CCSER2: variants seen among roughly 807,000 people sequenced by gnomAD.
CCSER2 encodes the protein coiled-coil serine rich protein 2, also known as serine-rich coiled-coil domain-containing protein 2.
CCSER2 carries 46 observed loss-of-function variants against 92.3 expected under a neutral mutation model. The ratio of observed to expected loss-of-function variants is 0.50; its 90% CI spans 0.39 to 0.64. The LOEUF (loss-of-function observed/expected upper bound fraction) is 0.64. Among genes scored for constraint, CCSER2 ranks in the 30% least tolerant of loss-of-function variants. The probability of loss-of-function intolerance (pLI) is 0.00; values close to 1 mark genes in which losing one functional copy is unlikely to be tolerated. For missense variants in CCSER2, 1,244 were observed against 1,238.9 expected (o/e 1.00, Z -0.06); for synonymous variants, 433 against 431.4 (o/e 1.00, Z -0.04).
At position 84,332,436 on chromosome 10, in the gene CCSER2, A is replaced by ATTTT. The variant is rs1187303667; in HGVS notation, c.-40+3646_-40+3649dup. Among the ~76,000 whole-genome samples the ATTTT allele has an allele frequency of 5.4e-3, 298 of 55,170 alleles. 10 individuals carry two copies. The highest frequency in any genetic ancestry group is 0.027 in the Admixed American group (74 of 2,782). 36.2% of individuals were successfully genotyped at this position (55,170 alleles called of 152,430 possible). A position where few individuals can be genotyped will look rare whatever the true frequency, so the allele number is the denominator to read the frequency against. Reference sequence around the variant, plus strand: ...TTTATATATATATATATATATATATATTTTTTTTTTTTTTTTTTTTTGAGA... The same window carrying ATTTT: ...TTTATATATATATATATATATATATATTTTTTTTTTTTTTTTTTTTTTTTTGAGA... On this transcript the variant is annotated intron_variant, in intron 1 of 9. Transcript: ENST00000372088.
intron 6 of CCSER2, among the ~76,000 whole-genome samples, chr10:84,458,783 AATC>A (rs1207523949): frequency 2.0e-5 from 3 of 152,150 alleles, no homozygotes; most frequent in Admixed American, 2.0e-4. Flanking sequence ...ATGTGAAAGA[AATC>A]AACCTATATA....
chr10:84,365,227 A>G (rs774870970), intron 1 of CCSER2, among the ~76,000 whole-genome samples: 5 of 152,208 alleles, frequency 3.3e-5, no homozygotes, highest in Non-Finnish European at 5.9e-5. Context: ...TCATTAGATG[A>G]TGTAGGCAAC....
intron 1 of CCSER2, among the ~76,000 whole-genome samples, chr10:84,338,292 A>T (rs745867409): frequency 3.5e-5 from 1 of 28,706 alleles, no homozygotes; most frequent in South Asian, 9.8e-4. Flanking sequence ...AGAAAAACTT[A>T]AAAAAAAAAA....
chr10:84,397,638 A>G (rs1841914269), intron 3 of CCSER2, among the ~76,000 whole-genome samples: 1 of 152,244 alleles, frequency 6.6e-6, no homozygotes, highest in Non-Finnish European at 1.5e-5. Context: ...GAAATTACTC[A>G]TCTGAAGCCT....
chr10:84,377,695 G>A (rs1024111262), intron 3 of CCSER2, among the ~76,000 whole-genome samples: 2 of 152,104 alleles, frequency 1.3e-5, no homozygotes, highest in Non-Finnish European at 2.9e-5. Flanking sequence ...GAATGGGATT[G>A]CATTGAATTT....
intron 5 of CCSER2, among the ~76,000 whole-genome samples, chr10:84,436,622 G>A (rs1173291297): frequency 3.7e-5 from 5 of 135,948 alleles, no homozygotes; most frequent in East Asian, 2.1e-4. Context: ...GGGACAGAGC[G>A]AGACTCCGTC....
rs184059187 is a variant in CCSER2 at position 84,462,809 on chromosome 10, A to G, written c.2065-1124A>G. 8.7e-4 allele frequency among the ~76,000 whole-genome samples: 132 copies of G among 152,336 alleles called. 1 individual carries two copies. The highest frequency in any genetic ancestry group is 2.4e-3 in the African/African-American group (101 of 41,570). ...TCTGTGTCAGTGGGTATACAGTACAATAAATTAAGAAGAAAATAACCTGCA... is the reference window on the plus strand; with the variant it reads ...TCTGTGTCAGTGGGTATACAGTACAGTAAATTAAGAAGAAAATAACCTGCA... On this transcript the variant is annotated intron_variant, in intron 6 of 9. Transcript: ENST00000372088.
intron 1 of CCSER2, among the ~76,000 whole-genome samples, chr10:84,351,617 A>G (rs1233391721): frequency 1.3e-5 from 2 of 152,124 alleles, no homozygotes; most frequent in African/African-American, 2.4e-5. Context: ...TGATCCTCCC[A>G]CTGCAGCCTT....
chr10:84,459,144 A>G (rs1845949860), intron 6 of CCSER2, among the ~76,000 whole-genome samples: 1 of 152,158 alleles, frequency 6.6e-6, no homozygotes, highest in South Asian at 2.1e-4. Flanking sequence ...AGTAGCTGGA[A>G]TTACAGGCAT....
chr10:84,505,506 T>C (rs776670356), intron 9 of CCSER2, among the ~76,000 whole-genome samples: 22 of 152,308 alleles, frequency 1.4e-4, no homozygotes, highest in Non-Finnish European at 3.1e-4. Context: ...TACATAAGAA[T>C]AGCTTCAGCT....
intron 9 of CCSER2, among the ~76,000 whole-genome samples, chr10:84,501,832 A>ATATATATATATAT (rs1447622843): frequency 3.2e-5 from 1 of 31,040 alleles, no homozygotes; most frequent in Non-Finnish European, 1.3e-4. Flanking sequence ...GAAAAAAAAA[A>ATATATATATATAT]AAATATATAT....
Position 84,371,875 on chromosome 10 carries a change from C to T in CCSER2, c.823C>T (p.Arg275Trp), listed in dbSNP as rs139772636. The T allele has an allele frequency of 3.6e-4, 575 of 1,613,658 alleles. 2 individuals are homozygous for T. In the African/African-American group the frequency reaches 6.5e-3, roughly 18 times the overall value. The change falls in exon 2 of 10, where the codon CGG becomes TGG. Residue 275 changes from arginine to tryptophan, a missense_variant. Physicochemically the swap from Arg to Trp is moderately radical, Grantham distance 101 (BLOSUM62 -3). Coordinates refer to ENST00000372088, the MANE Select transcript of CCSER2 (RefSeq NM_001284240.2). Reference protein sequence around the residue: ...LRSSMLTRNSRQPEVLNGNEH... With the variant: ...LRSSMLTRNSWQPEVLNGNEH... ...GTCAAGTATGCTAACAAGAAATTCC[C>T]GGCAGCCAGAAGTACTCAATGGGAA...
chr10:84,402,563 C>T (rs1842174739), intron 3 of CCSER2, among the ~76,000 whole-genome samples: 1 of 152,108 alleles, frequency 6.6e-6, no homozygotes, highest in African/African-American at 2.4e-5. Flanking sequence ...GAAAACAAAT[C>T]CTAACAATTG....
chr10:84,505,832 A>T (rs1000752338), intron 9 of CCSER2, among the ~76,000 whole-genome samples: 10 of 151,468 alleles, frequency 6.6e-5, no homozygotes, highest in Non-Finnish European at 1.3e-4. Context: ...GTTTCTGTAT[A>T]AAGCCTTTTA....
intron 3 of CCSER2, among the ~76,000 whole-genome samples, chr10:84,400,982 G>A (rs1384398569): frequency 6.6e-6 from 1 of 152,152 alleles, no homozygotes; most frequent in Non-Finnish European, 1.5e-5. Flanking sequence ...AGTACTTTGG[G>A]AGGCTGAGGC....
At chr10:84,433,162 CTT>C (rs766060460) in intron 5 of CCSER2, among the ~76,000 whole-genome samples, 65 of 152,108 alleles carry the variant, frequency 4.3e-4, no homozygotes, top group Non-Finnish European at 7.5e-4. Context: ...CTTCGACTTT[CTT>C]CTTCTTCAAT....
chr10:84,473,554 G>T (rs1846945208), intron 8 of CCSER2, among the ~76,000 whole-genome samples: 1 of 152,054 alleles, frequency 6.6e-6, no homozygotes, highest in Non-Finnish European at 1.5e-5. Flanking sequence ...ATCACTCAAA[G>T]ATTTTAACAG....
Position 84,438,648 on chromosome 10 carries a change from G to A in CCSER2, c.2005G>A (p.Val669Ile), listed in dbSNP as rs750416549. The change falls in exon 6 of 10, where the codon GTT (valine) becomes ATT (isoleucine). Residue 669 changes from valine (V) to isoleucine (I), a missense_variant. Physicochemically the swap from Val to Ile is conservative, Grantham distance 29 (BLOSUM62 3). Transcript: ENST00000372088. The part of the protein sequence containing the change: ...ILDEMTLRHM[V>I]QDCTAVKTQL... ...GGATGAGATGACCCTTCGGCACATG[G>A]TTCAGGATTGCACTGCTGTAAAAAC... 2 of 1,613,782 alleles carry A rather than the reference G, an allele frequency of 1.2e-6. No individual in the cohort carries two copies. Among genetic ancestry groups the A allele is most frequent in the Non-Finnish European group, 8.5e-7 (1 of 1,179,794 alleles).
chr10:84,507,175 G>A (rs528290782), intron 9 of CCSER2: 4 of 207,810 alleles, frequency 1.9e-5, no homozygotes, highest in African/African-American at 9.4e-5. Context: ...CACAACAATA[G>A]CAAAGCAAAT....
Sources: gnomAD v4.1 joint callset for allele counts (sites outside exome capture counted in the v4.1 genomes callset) on GRCh38, gnomAD v4.1.1 for gene constraint, MANE v1.5 for transcripts, NCBI Gene and HGNC (gene_info 2026-07-23, HGNC 2026-07-21) for gene names.